ADGRL2: variants seen among roughly 807,000 people sequenced by gnomAD.
ADGRL2 encodes the protein adhesion G protein-coupled receptor L2.
In ADGRL2, 44 loss-of-function variants were observed where a neutral mutation model predicts 157.4. The ratio of observed to expected loss-of-function variants is 0.28; its 90% confidence interval spans 0.22 to 0.36. The LOEUF (loss-of-function observed/expected upper bound fraction) is 0.36. Ranked by LOEUF, ADGRL2 falls within the 10% of genes least tolerant of loss-of-function variation. The pLI is 1.00. For synonymous variants in ADGRL2, 585 were observed against 624.7 expected, an observed-to-expected ratio of 0.94 and a Z score of 0.95; for missense variants, 1,510 against 1,768.9, an observed-to-expected ratio of 0.85 and a Z score of 2.63.
At chr1:81,327,260 G>C (rs1158537410) in intron 1 of ADGRL2, among the ~76,000 whole-genome samples, 1 of 152,152 alleles carries the variant, frequency 6.6e-6, no homozygotes, top group African/African-American at 2.4e-5. Context: ...ACGGGAGGAA[G>C]GACATGTGCT....
At chr1:81,893,314 C>CTTTTTGT (rs759728020) in intron 2 of ADGRL2, among the ~76,000 whole-genome samples, 1 of 150,380 alleles carries the variant, frequency 6.6e-6, no homozygotes, top group Non-Finnish European at 1.5e-5. Context: ...CTTATCAATC[C>CTTTTTGT]TGTCTTGTAT....
intron 1 of ADGRL2, among the ~76,000 whole-genome samples, chr1:81,413,906 CA>C (rs1369592940): frequency 2.0e-5 from 3 of 152,122 alleles, no homozygotes; most frequent in Non-Finnish European, 4.4e-5. Flanking sequence ...ATGCAAACAT[CA>C]AAGAGGAAGG....
At chr1:81,759,952 C>CT (rs1234734350) in intron 1 of ADGRL2, among the ~76,000 whole-genome samples, 2 of 152,018 alleles carry the variant, frequency 1.3e-5, no homozygotes, top group African/African-American at 4.8e-5. Flanking sequence ...CATGCACTCT[C>CT]TTAGTGAGGA....
chr1:81,755,885 T>C (rs1319543597), intron 1 of ADGRL2, among the ~76,000 whole-genome samples: 1 of 152,120 alleles, frequency 6.6e-6, no homozygotes, highest in African/African-American at 2.4e-5. Flanking sequence ...ATTCACAGTA[T>C]GGCATCAGCA....
At chr1:81,522,116 C>A (rs1225568014) in intron 2 of ADGRL2, among the ~76,000 whole-genome samples, 1 of 151,912 alleles carries the variant, frequency 6.6e-6, no homozygotes, top group Non-Finnish European at 1.5e-5. Context: ...AGGCGCACAC[C>A]ACTGTACCCA....
chr1:81,512,853 A>G (rs1248308895), intron 2 of ADGRL2, among the ~76,000 whole-genome samples: 1 of 152,132 alleles, frequency 6.6e-6, no homozygotes, highest in African/African-American at 2.4e-5. Context: ...TGACCTGAAT[A>G]ATGCTTACTA....
At chr1:81,613,724 A>G (rs989356563) in intron 3 of ADGRL2, among the ~76,000 whole-genome samples, 1 of 152,248 alleles carries the variant, frequency 6.6e-6, no homozygotes, top group African/African-American at 2.4e-5. Context: ...GGGGATAAAC[A>G]GGGTGATCCA....
intron 1 of ADGRL2, among the ~76,000 whole-genome samples, chr1:81,366,120 A>G (rs2076061853): frequency 6.6e-6 from 1 of 152,158 alleles, no homozygotes; most frequent in Non-Finnish European, 1.5e-5. Flanking sequence ...GAAAATATCT[A>G]TGAAAATCTT....
At chr1:81,698,664 C>A (rs1366570339), upstream of ADGRL2, among the ~76,000 whole-genome samples, 4 of 152,152 alleles carry the variant, frequency 2.6e-5, no homozygotes, top group African/African-American at 9.7e-5. Context: ...TAAAATCCCA[C>A]CTCTAGAGTA....
chr1:81,461,266 TTTTTCTTTTC>T (rs1187081431), intron 2 of ADGRL2, among the ~76,000 whole-genome samples: 3 of 151,996 alleles, frequency 2.0e-5, no homozygotes, highest in African/African-American at 7.3e-5. Flanking sequence ...AAGCTTTCTT[TTTTTCTTTTC>T]TTTTCTTTTT....
chr1:81,713,375 C>T (rs2084002528), intron 1 of ADGRL2, among the ~76,000 whole-genome samples: 2 of 152,130 alleles, frequency 1.3e-5, no homozygotes, highest in Admixed American at 1.3e-4. Context: ...GGGTATAATA[C>T]ACATTTCTAA....
At position 81,366,768 on chromosome 1, in the gene ADGRL2, C is replaced by T. The variant is rs1490342599; in HGVS notation, c.-302+60259C>T. Among the ~76,000 whole-genome samples, 3 of 152,130 alleles carry T rather than the reference C, an allele frequency of 2.0e-5. No homozygotes were observed. The East Asian group carries it at 5.8e-4, about 29-fold the overall frequency. On this transcript the variant is annotated intron_variant, in intron 1 of 24. Transcript: ENST00000370721. ...ATTCTCTAATGAATTTTAGTTACTT[C>T]TTTTCAGGTCTGTGATTTTTGAAAA... is the stretch of plus-strand genomic sequence containing the variant.
intron 2 of ADGRL2, among the ~76,000 whole-genome samples, chr1:81,479,075 AAAT>A (rs896673223): frequency 1.1e-4 from 16 of 152,294 alleles, no homozygotes; most frequent in African/African-American, 3.8e-4. Context: ...TATTGTGTAA[AAAT>A]AATGTCTGTT....
At chr1:81,626,531 C>T (rs1358202436) in intron 3 of ADGRL2, among the ~76,000 whole-genome samples, 1 of 152,196 alleles carries the variant, frequency 6.6e-6, no homozygotes, top group Non-Finnish European at 1.5e-5. Context: ...CCCTCGGCTT[C>T]CCAAAGTGCT....
chr1:81,718,824 G>A (rs967405452), intron 1 of ADGRL2, among the ~76,000 whole-genome samples: 3 of 152,142 alleles, frequency 2.0e-5, no homozygotes, highest in African/African-American at 7.2e-5. Context: ...TATTACTCTG[G>A]ATGTTTCCTC....
At chr1:81,356,368 T>C (rs1304361943) in intron 1 of ADGRL2, among the ~76,000 whole-genome samples, 1 of 152,220 alleles carries the variant, frequency 6.6e-6, no homozygotes, top group Non-Finnish European at 1.5e-5. Context: ...ATATGAGCTT[T>C]TCACCAGACA....
chr1:81,547,157 G>A (rs184494196), intron 2 of ADGRL2, among the ~76,000 whole-genome samples: 38 of 152,268 alleles, frequency 2.5e-4, no homozygotes, highest in African/African-American at 6.5e-4. Flanking sequence ...CCCCTGGTTC[G>A]TTTCACAGGA....
intron 1 of ADGRL2, among the ~76,000 whole-genome samples, chr1:81,755,650 A>T (rs1498205): frequency 0.47 from 71,025 of 151,964 alleles, 17,534 homozygotes; most frequent in East Asian, 0.85. Flanking sequence ...TGAGCACCAA[A>T]TCTATGAAAT....
intron 1 of ADGRL2, among the ~76,000 whole-genome samples, chr1:81,821,768 T>C (rs944659128): frequency 1.3e-5 from 2 of 152,172 alleles, no homozygotes; most frequent in African/African-American, 2.4e-5. Flanking sequence ...AAGAAACATA[T>C]ACTATTTACA....
Sources: allele counts gnomAD v4.1 joint callset (sites outside exome capture counted in the v4.1 genomes callset), GRCh38; gene constraint gnomAD v4.1.1; transcripts MANE v1.5; gene names NCBI Gene and HGNC (gene_info 2026-07-23, HGNC 2026-07-21).